GALNT14: variants seen among roughly 807,000 people sequenced by gnomAD.
GALNT14 encodes UDP-GalNAc:polypeptide N-acetylgalactosaminyltransferase 14.
Under a neutral mutation model 77.5 loss-of-function variants are expected in GALNT14, and 60 were observed. The ratio of observed to expected loss-of-function variants is 0.77; its 90% CI spans 0.63 to 0.96. The LOEUF (loss-of-function observed/expected upper bound fraction) is 0.96, where lower values mean the gene tolerates loss of function less well. GALNT14 is among the 40% of genes least tolerant of loss of function. The probability of loss-of-function intolerance (pLI) is 0.00; values close to 1 mark genes in which losing one functional copy is unlikely to be tolerated. For missense variants in GALNT14, 710 were observed against 731.0 expected, an observed-to-expected ratio of 0.97 and a Z score of 0.33; for synonymous variants, 280 against 281.7, an observed-to-expected ratio of 0.99 and a Z score of 0.06.
chr2:30,901,580 ATG>A, the GALNT14 span, among the ~76,000 whole-genome samples: 231 of 151,818 alleles, frequency 1.5e-3, no homozygotes, highest in Middle Eastern at 3.5e-3. Flanking sequence ...GTGTGTATAT[ATG>A]TGAGTATATA....
the GALNT14 span, among the ~76,000 whole-genome samples, chr2:30,894,015 G>C: frequency 6.6e-6 from 1 of 152,090 alleles, no homozygotes. Flanking sequence ...TTCTAAAAGT[G>C]CAACTTTCTA....
intron 1 of GALNT14, among the ~76,000 whole-genome samples, chr2:31,111,072 C>G (rs1216022516): frequency 6.6e-6 from 1 of 152,178 alleles, no homozygotes; most frequent in African/African-American, 2.4e-5. Context: ...AAACAACAGG[C>G]ACTCTGGCCT....
At position 31,039,499 on chromosome 2, in the gene GALNT14, C is replaced by G. The variant is rs116617012; in HGVS notation, c.130-46492G>C. On this transcript the variant is annotated intron_variant, in intron 1 of 14. Coordinates refer to ENST00000349752, the MANE Select transcript of GALNT14 (RefSeq NM_024572.4). The stretch of plus-strand genomic sequence containing the variant: ...TTGAATCGGGCCGGCTTACCAATCT[C>G]ACACATATTCGTCTATTTCCCACAA... 3.7e-4 allele frequency among the ~76,000 whole-genome samples: 57 copies of G among 152,344 alleles called. 1 individual carries two copies. Among genetic ancestry groups the G allele is most frequent in the African/African-American group, 1.3e-3 (56 of 41,580 alleles).
In GALNT14 at chr2:30,945,770, T is replaced by C; in HGVS notation, c.742+13A>G. 2.5e-6 allele frequency: 4 copies of C among 1,606,066 alleles called. No individual in the cohort carries two copies. The Middle Eastern group carries it at 6.6e-4, about 266-fold the overall frequency. ...AAAATCCTTACTGGGGAGGAGGTGT[T>C]AGCCCAACTCACCCCCTCTGAGCTC... On this transcript the variant is annotated intron_variant, in intron 7 of 14. Transcript: ENST00000349752.
intron 2 of GALNT14, among the ~76,000 whole-genome samples, chr2:30,983,538 C>G (rs1428393596): frequency 6.6e-6 from 1 of 152,162 alleles, no homozygotes; most frequent in Admixed American, 6.5e-5. Flanking sequence ...AAATCTGTCC[C>G]CAGAACAAAG....
intron 2 of GALNT14, among the ~76,000 whole-genome samples, chr2:30,978,646 C>T (rs531242373): frequency 3.9e-5 from 6 of 152,158 alleles, no homozygotes; most frequent in Non-Finnish European, 8.8e-5. Context: ...AGGATTCACT[C>T]GCTCACCGGC....
chr2:31,088,558 T>C (rs1256752001), intron 1 of GALNT14, among the ~76,000 whole-genome samples: 1 of 152,200 alleles, frequency 6.6e-6, no homozygotes, highest in Admixed American at 6.5e-5. Flanking sequence ...ACCCACAACT[T>C]GGAGCCCAGC....
chr2:30,966,238 C>A lies in GALNT14; in HGVS notation c.364G>T (p.Glu122Ter). 1 of 1,613,948 alleles carries A rather than the reference C, an allele frequency of 6.2e-7. No individual in the cohort carries two copies. The highest frequency in any genetic ancestry group is 8.5e-7 in the Non-Finnish European group (1 of 1,179,924). ...GTCCTGAGCAGCGTGGAGCGGGCCT[C>A]GTTGTGGAAGGTGATGATGATGCTA... ...PTSIIITFHN[E>*]ARSTLLRTIR... Residue 122 changes from glutamate (E) to a stop codon, truncating the protein, a stop_gained, in exon 3 of 15, where the codon GAG (glutamate) becomes TAG (stop). Transcript: ENST00000349752. LOFTEE classifies it high-confidence loss of function.
chr2:30,961,684 CTT>C (rs60844777), intron 3 of GALNT14, among the ~76,000 whole-genome samples: 14 of 142,282 alleles, frequency 9.8e-5, no homozygotes, highest in Admixed American at 2.1e-4. Context: ...GTTAGACTTT[CTT>C]TTTTTTTTTT....
chr2:30,990,879 C>A (rs1669655916), intron 2 of GALNT14, among the ~76,000 whole-genome samples: 1 of 152,172 alleles, frequency 6.6e-6, no homozygotes, highest in South Asian at 2.1e-4. Context: ...AGTCTAAATT[C>A]TGTCTAAATC....
Position 30,949,196 on chromosome 2 carries a change from C to T in GALNT14, c.655-3326G>A, listed in dbSNP as rs146880635. The stretch of plus-strand genomic sequence containing the variant: ...TGCCCTGGGAGGTCAGTACCTGCTC[C>T]GCTTTTGTATTCCTCAGCTCTGGCC... On this transcript the variant is annotated intron_variant, in intron 6 of 14. Transcript: ENST00000349752. Among the ~76,000 whole-genome samples the T allele has an allele frequency of 1.8e-3, 271 of 152,236 alleles. 1 individual carries two copies. The highest frequency in any genetic ancestry group is 6.1e-3 in the African/African-American group (253 of 41,538).
In GALNT14 at chr2:30,929,459, T is replaced by A; in HGVS notation, c.1087A>T (p.Met363Leu). The change falls in exon 11 of 15, where the codon ATG becomes TTG. Residue 363 changes from methionine (M) to leucine (L), a missense_variant. Transcript: ENST00000349752. The part of the protein sequence containing the change: ...KNTKRTAEVW[M>L]DEYKQYYYAA... The stretch of plus-strand genomic sequence containing the variant: ...TAATAGTATTGCTTGTATTCATCCA[T>A]CCACACTTCAGCTGTCCGCTTGGTG... The A allele has an allele frequency of 1.2e-6, 2 of 1,614,148 alleles. No individual in the cohort carries two copies. Among genetic ancestry groups the A allele is most frequent in the Non-Finnish European group, 1.7e-6 (2 of 1,179,972 alleles).
intron 1 of GALNT14, among the ~76,000 whole-genome samples, chr2:31,009,454 TG>T (rs1156877930): frequency 6.6e-6 from 1 of 152,188 alleles, no homozygotes; most frequent in East Asian, 1.9e-4. Flanking sequence ...GATTTAGCCC[TG>T]GTCCCTCCTC....
chr2:30,963,334 C>T lies in GALNT14; in HGVS notation c.398+2870G>A, dbSNP rs189243116. Among the ~76,000 whole-genome samples, 22 of 152,344 alleles carry T rather than the reference C, an allele frequency of 1.4e-4. No homozygotes were observed. The East Asian group carries it at 4.2e-3, about 29-fold the overall frequency. On this transcript the variant is annotated intron_variant, in intron 3 of 14. Coordinates refer to ENST00000349752, the MANE Select transcript of GALNT14 (RefSeq NM_024572.4). ...CTGATGCCTCTGCTCTCAACAAGTG[C>T]ACCACCTGCCCCACAGGCTCAGGAT...
chr2:31,108,701 A>T (rs762679207), intron 1 of GALNT14, among the ~76,000 whole-genome samples: 2 of 152,272 alleles, frequency 1.3e-5, no homozygotes, highest in Non-Finnish European at 2.9e-5. Context: ...GCACACAAAC[A>T]GTGTCCTTGG....
At chr2:31,122,522 G>C (rs1678464598) in intron 1 of GALNT14, among the ~76,000 whole-genome samples, 1 of 152,178 alleles carries the variant, frequency 6.6e-6, no homozygotes, top group African/African-American at 2.4e-5. Context: ...CTCAAACTTT[G>C]ATTGCACACA....
chr2:30,973,851 C>A (rs1668493161), intron 2 of GALNT14, among the ~76,000 whole-genome samples: 1 of 152,118 alleles, frequency 6.6e-6, no homozygotes, highest in Non-Finnish European at 1.5e-5. Context: ...CAGAAAAGAC[C>A]CTTAACATAA....
chr2:31,113,488 T>A (rs969757652), intron 1 of GALNT14, among the ~76,000 whole-genome samples: 1 of 152,146 alleles, frequency 6.6e-6, no homozygotes, highest in African/African-American at 2.4e-5. Context: ...TGAGGGGATC[T>A]CCTGTCTCTG....
At chr2:31,004,478 T>C (rs1009867151) in intron 1 of GALNT14, among the ~76,000 whole-genome samples, 3 of 152,160 alleles carry the variant, frequency 2.0e-5, no homozygotes. Flanking sequence ...TAGAGCTGGA[T>C]GCTGAAACAT....
Sources: allele counts gnomAD v4.1 joint callset (sites outside exome capture counted in the v4.1 genomes callset), GRCh38; gene constraint gnomAD v4.1.1; transcripts MANE v1.5; gene names NCBI Gene and HGNC (gene_info 2026-07-23, HGNC 2026-07-21).